PDE4DIP: variants seen among roughly 807,000 people sequenced by gnomAD.
PDE4DIP encodes the protein phosphodiesterase 4D interacting protein.
PDE4DIP carries 59 observed loss-of-function variants against 221.4 expected under a neutral mutation model. That is an observed-to-expected ratio of 0.27 (90% CI 0.22 to 0.33). The LOEUF (loss-of-function observed/expected upper bound fraction) is 0.33, where lower values mean the gene tolerates loss of function less well. Ranked by LOEUF, PDE4DIP falls within the 10% of genes least tolerant of loss-of-function variation. The pLI is 1.00. For missense variants in PDE4DIP, 1,036 were observed against 2,154.2 expected (o/e 0.48, Z 10.28); for synonymous variants, 404 against 815.9 (o/e 0.50, Z 8.60).
intron 2 of PDE4DIP, chr1:148,929,867 A>C (rs782532656): frequency 2.0e-5 from 3 of 152,898 alleles, no homozygotes; most frequent in Admixed American, 1.3e-4. Flanking sequence ...ATTATCCATC[A>C]ATAGGGCATT....
intron 37 of PDE4DIP, among the ~76,000 whole-genome samples, chr1:149,022,072 C>T (rs2073151944): frequency 6.6e-6 from 1 of 150,384 alleles, no homozygotes; most frequent in Non-Finnish European, 1.5e-5. Flanking sequence ...AAATATAGGA[C>T]AGGCAGCCAT....
chr1:148,950,349 G>A (rs1420438193), intron 5 of PDE4DIP, among the ~76,000 whole-genome samples: 7 of 151,922 alleles, frequency 4.6e-5, no homozygotes, highest in Admixed American at 2.6e-4. Context: ...CATACCTAGA[G>A]GCAGGCAAAA....
intron 1 of PDE4DIP, chr1:148,844,429 GTC>G: frequency 4.4e-6 from 1 of 228,444 alleles, no homozygotes; most frequent in East Asian, 1.2e-4. Flanking sequence ...GTGCCAGCCA[GTC>G]GTGTCTCAGC....
In PDE4DIP at chr1:148,861,616, A is replaced by T. The variant is rs1235360991; in HGVS notation, c.234-1634A>T. Among the ~76,000 whole-genome samples the T allele has an allele frequency of 1.4e-4, 14 of 103,690 alleles. No homozygotes were observed. The East Asian group carries it at 3.2e-3, about 24-fold the overall frequency. The allele number at this position is 103,690 out of a possible 152,430, so 68.0% of individuals were successfully genotyped here. A position where few individuals can be genotyped will look rare whatever the true frequency, so the allele number is the denominator to read the frequency against. Reference sequence around the variant, plus strand: ...TCGTGCCATGCACTCCAGCCTGGGCAACAAAAGCAAAACTCTGTCTCAAAA... The same window carrying T: ...TCGTGCCATGCACTCCAGCCTGGGCTACAAAAGCAAAACTCTGTCTCAAAA... On this transcript the variant is annotated intron_variant, in intron 1 of 45. Transcript: ENST00000524974.
At chr1:148,862,663 A>C in intron 1 of PDE4DIP, among the ~76,000 whole-genome samples, 1 of 32,170 alleles carries the variant, frequency 3.1e-5, no homozygotes, top group Non-Finnish European at 7.5e-5. Context: ...TAAAATATAA[A>C]TCTGATCATT....
chr1:148,925,839 G>A (rs57811386), intron 1 of PDE4DIP, among the ~76,000 whole-genome samples: 20,135 of 151,258 alleles, frequency 0.13, 1,476 homozygotes, highest in Middle Eastern at 0.21. Context: ...ATAGTGATTA[G>A]TTAACCTGCC....
chr1:148,982,315 A>G (rs2061254093), intron 21 of PDE4DIP: 2 of 152,218 alleles, frequency 1.3e-5, no homozygotes, highest in Non-Finnish European at 2.9e-5. Flanking sequence ...GTTTCACCAA[A>G]TAACTCATTA....
At chr1:148,969,119 A>G (rs1553522060) in intron 14 of PDE4DIP, 89 bp downstream of exon 17, 1 of 623,916 alleles carries the variant, frequency 1.6e-6, no homozygotes, top group East Asian at 2.7e-5. Context: ...AGATGTGTGT[A>G]TATTTATATA....
intron 1 of PDE4DIP, among the ~76,000 whole-genome samples, chr1:148,919,436 A>G (rs2044931611): frequency 1.3e-5 from 2 of 151,254 alleles, no homozygotes; most frequent in South Asian, 4.2e-4. Context: ...GAGAAACTCC[A>G]TTTACAAAAG....
intron 1 of PDE4DIP, among the ~76,000 whole-genome samples, chr1:148,917,229 A>G (rs1332084057): frequency 1.3e-5 from 2 of 151,932 alleles, no homozygotes; most frequent in Non-Finnish European, 2.9e-5. Context: ...TAACAGAGTG[A>G]CTATAGGGAA....
intron 1 of PDE4DIP, among the ~76,000 whole-genome samples, chr1:148,893,249 A>G (rs1664013): frequency 0.38 from 30,004 of 79,300 alleles, 2,455 homozygotes; most frequent in East Asian, 0.6. Flanking sequence ...ACCACACCCA[A>G]CCACAGTTCT....
intron 12 of PDE4DIP, among the ~76,000 whole-genome samples, chr1:148,967,230 G>A (rs1366006830): frequency 1.3e-5 from 2 of 151,772 alleles, no homozygotes; most frequent in Non-Finnish European, 2.9e-5. Flanking sequence ...ACATAGTTCT[G>A]ATTTATTTCC....
At chr1:148,924,190 T>A (rs2046162693) in intron 1 of PDE4DIP, among the ~76,000 whole-genome samples, 1 of 152,242 alleles carries the variant, frequency 6.6e-6, no homozygotes. Flanking sequence ...CATGAGAAAT[T>A]ACTTTTAATT....
chr1:148,917,110 G>A (rs1199408060), intron 1 of PDE4DIP, among the ~76,000 whole-genome samples: 2 of 149,546 alleles, frequency 1.3e-5, no homozygotes, highest in Non-Finnish European at 3.0e-5. Flanking sequence ...GTCCTGGGGA[G>A]GGGAGAGAAT....
exon 13 of PDE4DIP, chr1:148,967,752 A>C (rs782227394): frequency 2.5e-5 from 40 of 1,572,734 alleles, no homozygotes; most frequent in Non-Finnish European, 3.3e-5. Context: ...TGAGGGCCAA[A>C]GGCCTGGAAG....
intron 5 of PDE4DIP, among the ~76,000 whole-genome samples, chr1:148,956,647 C>T (rs1553502772): frequency 6.6e-6 from 1 of 151,088 alleles, no homozygotes; most frequent in African/African-American, 2.4e-5. Flanking sequence ...CAGCAATGAG[C>T]TCTGGCCCAT....
At chr1:148,866,680 GA>G (rs1686967247) in intron 2 of PDE4DIP, 1 of 49,272 alleles carries the variant, frequency 2.0e-5, no homozygotes, top group Non-Finnish European at 3.4e-5. Flanking sequence ...AGAGGTGGGG[GA>G]AAAGAGAAAA....
chr1:148,940,644 T>A (rs2150946659), intron 5 of PDE4DIP, among the ~76,000 whole-genome samples: 1 of 152,122 alleles, frequency 6.6e-6, no homozygotes, highest in South Asian at 2.1e-4. Flanking sequence ...TGGACCATGC[T>A]GAGGTACACT....
intron 32 of PDE4DIP, among the ~76,000 whole-genome samples, chr1:149,015,993 A>AGTCTGTCATGAAGGATTATAGTAGG (rs2070410188): frequency 7.0e-6 from 1 of 142,766 alleles, no homozygotes; most frequent in African/African-American, 2.6e-5. Context: ...CTTTCCTTGG[A>AGTCTGTCATGAAGGATTATAGTAGG]GTCTGTCATG....
Sources: allele counts gnomAD v4.1 joint callset (sites outside exome capture counted in the v4.1 genomes callset), GRCh38; gene constraint gnomAD v4.1.1; transcripts MANE v1.5; gene names NCBI Gene and HGNC (gene_info 2026-07-23, HGNC 2026-07-21).